The following ARB2A variants were observed in gnomAD, a reference collection of about 807,000 sequenced individuals.
ARB2A encodes ARB2 cotranscriptional regulator A.
the ARB2A span, among the ~76,000 whole-genome samples, chr5:94,019,034 C>T: frequency 1.3e-5 from 2 of 152,114 alleles, no homozygotes; most frequent in African/African-American, 4.8e-5. Context: ...TGATCTTTGA[C>T]AAACCTGACA....
chr5:93,865,238 T>A, the ARB2A span: 5 of 220,108 alleles, frequency 2.3e-5, no homozygotes, highest in Non-Finnish European at 3.1e-5. Flanking sequence ...CCTGCCACCA[T>A]GCCTGGCTAA....
the ARB2A span, among the ~76,000 whole-genome samples, chr5:93,974,548 AAAAC>A: frequency 3.3e-5 from 5 of 152,156 alleles, no homozygotes; most frequent in Non-Finnish European, 7.4e-5. Context: ...ATCAAGGCAG[AAAAC>A]AAACAAACAA....
the ARB2A span, among the ~76,000 whole-genome samples, chr5:93,678,010 C>G: frequency 6.6e-6 from 1 of 152,070 alleles, no homozygotes; most frequent in African/African-American, 2.4e-5. Context: ...CTTAAAAGAC[C>G]CAAATGTGTT....
the ARB2A span, among the ~76,000 whole-genome samples, chr5:94,036,621 A>G: frequency 6.6e-6 from 1 of 152,186 alleles, no homozygotes; most frequent in African/African-American, 2.4e-5. Context: ...TGGTTCATGC[A>G]TCATACCCAC....
the ARB2A span, among the ~76,000 whole-genome samples, chr5:93,906,333 A>C: frequency 2.0e-5 from 3 of 151,486 alleles, no homozygotes; most frequent in Non-Finnish European, 4.4e-5. Context: ...AGATGGTTGA[A>C]AGAGTATGAA....
chr5:93,850,675 C>G, the ARB2A span, among the ~76,000 whole-genome samples: 55 of 152,040 alleles, frequency 3.6e-4, no homozygotes, highest in African/African-American at 1.3e-3. Flanking sequence ...TGAACATGTT[C>G]TAGAAATTAA....
chr5:93,847,354 C>T, the ARB2A span, among the ~76,000 whole-genome samples: 6 of 152,140 alleles, frequency 3.9e-5, no homozygotes, highest in African/African-American at 1.2e-4. Flanking sequence ...TATATTTTAT[C>T]AGCAGTTCTG....
the ARB2A span, chr5:93,743,509 G>T: frequency 1.0e-6 from 1 of 980,054 alleles, no homozygotes; most frequent in Non-Finnish European, 1.2e-6. Flanking sequence ...TAACTTTGCT[G>T]GTATCTATTC....
chr5:94,050,743 C>T, the ARB2A span: 1 of 1,604,910 alleles, frequency 6.2e-7, no homozygotes, highest in Non-Finnish European at 8.5e-7. Context: ...CTCCTAGAGC[C>T]TCGTATCTTT....
the ARB2A span, among the ~76,000 whole-genome samples, chr5:93,679,505 C>T: frequency 5.9e-5 from 9 of 151,966 alleles, no homozygotes; most frequent in African/African-American, 1.2e-4. Flanking sequence ...GACCACTAGA[C>T]AAAAATTAAT....
the ARB2A span, among the ~76,000 whole-genome samples, chr5:93,951,360 T>C: frequency 1.3e-5 from 2 of 152,192 alleles, no homozygotes; most frequent in African/African-American, 2.4e-5. Context: ...ATTTCTGCTT[T>C]GGTTGCCTGC....
chr5:94,101,125 C>T, the ARB2A span, among the ~76,000 whole-genome samples: 2 of 151,984 alleles, frequency 1.3e-5, no homozygotes, highest in Non-Finnish European at 2.9e-5. Flanking sequence ...ACAAACAACC[C>T]TATTAAAAAG....
At chr5:93,716,104 A>T in the ARB2A span, among the ~76,000 whole-genome samples, 1 of 152,202 alleles carries the variant, frequency 6.6e-6, no homozygotes, top group Non-Finnish European at 1.5e-5. Context: ...TATATAATAG[A>T]TGTATTTACG....
the ARB2A span, among the ~76,000 whole-genome samples, chr5:94,031,719 G>A: frequency 6.6e-6 from 1 of 152,202 alleles, no homozygotes; most frequent in Non-Finnish European, 1.5e-5. Context: ...TAAAAGCATT[G>A]CAGAGATCTT....
At chr5:93,809,950 G>T in the ARB2A span, among the ~76,000 whole-genome samples, 2 of 151,992 alleles carry the variant, frequency 1.3e-5, no homozygotes, top group Admixed American at 1.3e-4. Context: ...TATTTGATAT[G>T]TACTGACATT....
chr5:93,795,106 C>G, the ARB2A span, among the ~76,000 whole-genome samples: 1 of 152,038 alleles, frequency 6.6e-6, no homozygotes, highest in Non-Finnish European at 1.5e-5. Context: ...AGCTCAGTCT[C>G]TCCTCTGGCA....
the ARB2A span, among the ~76,000 whole-genome samples, chr5:93,798,061 G>T: frequency 2.0e-5 from 3 of 152,032 alleles, no homozygotes; most frequent in African/African-American, 7.2e-5. Flanking sequence ...GTAATCAGAA[G>T]TATAATAAAA....
At chr5:94,096,137 T>G in the ARB2A span, among the ~76,000 whole-genome samples, 1 of 152,352 alleles carries the variant, frequency 6.6e-6, no homozygotes, top group Non-Finnish European at 1.5e-5. Flanking sequence ...CAGAGTCATT[T>G]CCATAGTACA....
At chr5:93,910,759 G>T in the ARB2A span, 1 of 151,306 alleles carries the variant, frequency 6.6e-6, no homozygotes, top group South Asian at 2.1e-4. Flanking sequence ...CTAAAATACA[G>T]TTAACATTTT....
Sources: allele counts gnomAD v4.1 joint callset (sites outside exome capture counted in the v4.1 genomes callset), GRCh38; gene constraint gnomAD v4.1.1; transcripts MANE v1.5; gene names NCBI Gene and HGNC (gene_info 2026-07-23, HGNC 2026-07-21).